Variants in KLHL29 observed in about 807,000 individuals in gnomAD.
KLHL29 encodes the protein kelch like family member 29, also known as kelch-like protein 29.
Under a neutral mutation model 80.4 loss-of-function variants are expected in KLHL29, and 21 were observed. The observed-to-expected ratio is 0.26, with a 90% CI of 0.19 to 0.38. The LOEUF (loss-of-function observed/expected upper bound fraction) is 0.38. Among genes scored for constraint, KLHL29 ranks in the 10% least tolerant of loss-of-function variants. The pLI, the probability that KLHL29 is intolerant of heterozygous loss-of-function variation, is 1.00. For missense variants in KLHL29, 867 were observed against 1,223.9 expected (o/e 0.71, Z 4.35); for synonymous variants, 511 against 526.8 (o/e 0.97, Z 0.41).
chr2:23,556,327 C>CA (rs1667294802), intron 2 of KLHL29, among the ~76,000 whole-genome samples: 1 of 152,084 alleles, frequency 6.6e-6, no homozygotes, highest in Admixed American at 6.5e-5. Context: ...TGTTGACTGG[C>CA]AGGCTCTGTG....
At chr2:23,516,753 G>A (rs1228975289) in intron 2 of KLHL29, among the ~76,000 whole-genome samples, 1 of 152,242 alleles carries the variant, frequency 6.6e-6, no homozygotes, top group Non-Finnish European at 1.5e-5. Flanking sequence ...GTCCTCCAGG[G>A]CCCTCATCCA....
rs944632450 is a variant in KLHL29 at position 23,685,679 on chromosome 2, C to A, written c.1079+1142C>A. 2.0e-5 allele frequency among the ~76,000 whole-genome samples: 3 copies of A among 152,236 alleles called. No homozygotes were observed. In the East Asian group the frequency reaches 5.8e-4, roughly 29 times the overall value. On this transcript the variant is annotated intron_variant, in intron 6 of 13. Transcript: ENST00000486442. ...GCAGGCTCTTTGGGACTTCCCATCT[C>A]ATGGACACCTCAGGTCTCCTGCCCC...
intron 1 of KLHL29, among the ~76,000 whole-genome samples, chr2:23,413,188 A>C (rs551837219): frequency 6.6e-6 from 1 of 152,322 alleles, no homozygotes; most frequent in South Asian, 2.1e-4. Context: ...TTCTACTAAA[A>C]GGATCAAGGC....
chr2:23,434,765 C>T (rs1216163074), intron 1 of KLHL29, among the ~76,000 whole-genome samples: 5 of 152,168 alleles, frequency 3.3e-5, no homozygotes, highest in African/African-American at 1.2e-4. Flanking sequence ...CTACACTGAG[C>T]CATTGCTGTG....
chr2:23,457,736 G>A lies in KLHL29; in HGVS notation c.-153-17824G>A, dbSNP rs911161081. ...GGGACTCTAAAGAAAACGTAAGGCC[G>A]GGCGCGGTGGCTCACACCTGTAATC... is the stretch of plus-strand genomic sequence containing the variant. On this transcript the variant is annotated intron_variant, in intron 1 of 13. Transcript: ENST00000486442. The surrounding 1 kb of genome is among the most constrained non-coding windows in gnomAD (Gnocchi z 4.3). Among the ~76,000 whole-genome samples, 3 of 152,154 alleles carry A rather than the reference G, an allele frequency of 2.0e-5. No individual in the cohort carries two copies. Among genetic ancestry groups the A allele is most frequent in the East Asian group, 1.9e-4 (1 of 5,190 alleles).
intron 2 of KLHL29, among the ~76,000 whole-genome samples, chr2:23,555,731 C>T (rs1217884014): frequency 6.6e-6 from 1 of 152,256 alleles, no homozygotes; most frequent in East Asian, 1.9e-4. Flanking sequence ...CCTTCACCGT[C>T]TCCTGGAGAT....
intron 2 of KLHL29, among the ~76,000 whole-genome samples, chr2:23,539,110 T>G (rs188699729): frequency 9.9e-4 from 150 of 152,228 alleles, no homozygotes; most frequent in Admixed American, 2.2e-3. Context: ...ACTCTAAAAT[T>G]TTATATCCAC....
At chr2:23,603,839 C>A (rs960498771) in intron 3 of KLHL29, among the ~76,000 whole-genome samples, 1 of 152,250 alleles carries the variant, frequency 6.6e-6, no homozygotes, top group Non-Finnish European at 1.5e-5. Context: ...TCAGCCCATC[C>A]CCGAGTTCAG....
At position 23,445,065 on chromosome 2, in the gene KLHL29, AT is replaced by A. The variant is rs1663633876; in HGVS notation, c.-153-30494del. Among the ~76,000 whole-genome samples the A allele has an allele frequency of 2.0e-5, 3 of 152,314 alleles. No homozygotes were observed. The South Asian group carries it at 6.2e-4, about 32-fold the overall frequency. ...TTTTTCCTCACAGTGTTATAAGACA[AT>A]GTTGAATGAAATGATATTATTCCAG... On this transcript the variant is annotated intron_variant, in intron 1 of 13. Transcript: ENST00000486442.
intron 2 of KLHL29, among the ~76,000 whole-genome samples, chr2:23,555,701 G>C (rs759903545): frequency 1.3e-5 from 2 of 152,248 alleles, no homozygotes; most frequent in African/African-American, 2.4e-5. Flanking sequence ...CTCAGAAGTA[G>C]GGAGATGGCA....
chr2:23,416,679 G>T (rs1436472484), intron 1 of KLHL29, among the ~76,000 whole-genome samples: 2 of 152,180 alleles, frequency 1.3e-5, no homozygotes, highest in African/African-American at 4.8e-5. Context: ...TTTATCCATT[G>T]CTGCCTATCG....
At position 23,659,118 on chromosome 2, in the gene KLHL29, C is replaced by A. The variant is rs146088246; in HGVS notation, c.940+16268C>A. On this transcript the variant is annotated intron_variant, in intron 5 of 13. Coordinates refer to ENST00000486442, the MANE Select transcript of KLHL29 (RefSeq NM_052920.2). Reference sequence around the variant, plus strand: ...CTGTGGATGAAATGTAAAAAGGTACCCTTTTCTAGGACCCTTGCTGCCACC... The same window carrying A: ...CTGTGGATGAAATGTAAAAAGGTACACTTTTCTAGGACCCTTGCTGCCACC... Among the ~76,000 whole-genome samples, 199 of 152,258 alleles carry A rather than the reference C, an allele frequency of 1.3e-3. 3 individuals are homozygous for A. The highest frequency in any genetic ancestry group is 8.1e-3 in the Admixed American group (124 of 15,298).
intron 1 of KLHL29, among the ~76,000 whole-genome samples, chr2:23,416,319 G>A (rs554447304): frequency 6.6e-6 from 1 of 152,188 alleles, no homozygotes; most frequent in Non-Finnish European, 1.5e-5. Context: ...TGCAGCTGCG[G>A]TTTGGTGGGC....
At chr2:23,582,856 C>T (rs1031372189) in intron 3 of KLHL29, among the ~76,000 whole-genome samples, 8 of 152,200 alleles carry the variant, frequency 5.3e-5, no homozygotes, top group African/African-American at 1.9e-4. Context: ...TATGTCCACC[C>T]AGAATATCTA....
intron 1 of KLHL29, among the ~76,000 whole-genome samples, chr2:23,458,318 T>C (rs2103426432): frequency 6.6e-6 from 1 of 152,352 alleles, no homozygotes; most frequent in Middle Eastern, 3.4e-3. Context: ...AAAGTAAGTA[T>C]TTTAGGCTTT....
At position 23,707,704 on chromosome 2, in the gene KLHL29, G is replaced by T. The variant is rs1456986711; in HGVS notation, c.*1040G>T. ...GAGGACCAGGCCAGTGGGAAGGGAA[G>T]GAGGGAGAATTAGCGTCTATAAAGC... On this transcript the variant is annotated 3_prime_UTR_variant, in exon 14 of 14. Coordinates refer to ENST00000486442, the MANE Select transcript of KLHL29 (RefSeq NM_052920.2). 1 of 152,300 alleles carries T rather than the reference G, an allele frequency of 6.6e-6. No homozygotes were observed. The highest frequency in any genetic ancestry group is 6.5e-5 in the Admixed American group (1 of 15,276). The allele number at this position is 152,300 out of a possible 1,614,324, so 9.4% of individuals were successfully genotyped here. A position where few individuals can be genotyped will look rare whatever the true frequency, so the allele number is the denominator to read the frequency against.
At chr2:23,435,644 A>G (rs1220128459) in intron 1 of KLHL29, among the ~76,000 whole-genome samples, 1 of 152,228 alleles carries the variant, frequency 6.6e-6, no homozygotes, top group Admixed American at 6.5e-5. Flanking sequence ...CCCGAACTTA[A>G]ATTAACTGTT....
At chr2:23,611,225 T>G (rs1572437091) in intron 3 of KLHL29, among the ~76,000 whole-genome samples, 1 of 152,114 alleles carries the variant, frequency 6.6e-6, no homozygotes, top group Non-Finnish European at 1.5e-5. Context: ...CCCGTGGAGG[T>G]AAGCCTTATG....
At chr2:23,621,097 G>A (rs1387933952) in intron 3 of KLHL29, among the ~76,000 whole-genome samples, 2 of 152,204 alleles carry the variant, frequency 1.3e-5, no homozygotes, top group African/African-American at 2.4e-5. Context: ...TCCAAGCCCC[G>A]GTCCCCTGGC....
Sources: gnomAD v4.1 joint callset for allele counts (sites outside exome capture counted in the v4.1 genomes callset) on GRCh38, gnomAD v4.1.1 for gene constraint, Gnocchi (gnomAD v3.1) non-coding constraint, MANE v1.5 for transcripts, NCBI Gene and HGNC (gene_info 2026-07-23, HGNC 2026-07-21) for gene names.